GGA1: variants seen among roughly 807,000 people sequenced by gnomAD.
The protein encoded by GGA1 is golgi associated, gamma adaptin ear containing, ARF binding protein 1, also known as ADP-ribosylation factor-binding protein GGA1.
GGA1 carries 18 observed loss-of-function variants against 76.9 expected under a neutral mutation model. The ratio of observed to expected loss-of-function variants is 0.23; its 90% CI spans 0.16 to 0.35. The LOEUF is 0.35. Among genes scored for constraint, GGA1 ranks in the 10% least tolerant of loss-of-function variants. GGA1 has a pLI of 1.00. For missense variants in GGA1, 755 were observed against 859.0 expected (o/e 0.88, Z 1.51); for synonymous variants, 342 against 354.7 (o/e 0.96, Z 0.40).
rs374395564 is a variant in GGA1 at position 37,620,793 on chromosome 22, C to T, written c.428-20C>T. On this transcript the variant is annotated intron_variant, in intron 5 of 16. Coordinates refer to ENST00000343632, the MANE Select transcript of GGA1 (RefSeq NM_013365.5). ...GGCCTGGGACATATTGACAGCCTTTCTGACACTCATCTAATCCAGGGATTG... is the reference window on the plus strand; with the variant it reads ...GGCCTGGGACATATTGACAGCCTTTTTGACACTCATCTAATCCAGGGATTG... 14 of 1,480,292 alleles carry T rather than the reference C, an allele frequency of 9.5e-6. No individual in the cohort carries two copies. Among genetic ancestry groups the T allele is most frequent in the Non-Finnish European group, 8.5e-6 (9 of 1,058,150 alleles). 91.7% of individuals were successfully genotyped at this position (1,480,292 alleles called of 1,614,324 possible). A position where few individuals can be genotyped will look rare whatever the true frequency, so the allele number is the denominator to read the frequency against.
At chr22:37,629,824 C>T (rs1370797809) in intron 12 of GGA1, among the ~76,000 whole-genome samples, 174 bp from the exon 13 acceptor site, 2 of 152,214 alleles carry the variant, frequency 1.3e-5, no homozygotes, top group African/African-American at 2.4e-5. Flanking sequence ...TTGTAGAACC[C>T]CCAACCAGAC....
chr22:37,629,669 A>C (rs1297543122), intron 12 of GGA1, 143 bp downstream of exon 12: 5 of 571,934 alleles, frequency 8.7e-6, no homozygotes, highest in Non-Finnish European at 1.5e-5. Flanking sequence ...GCCTGGAGAC[A>C]CCCACCCAGG....
At position 37,620,976 on chromosome 22, in the gene GGA1, C is replaced by T. The variant is rs1466940006; in HGVS notation, c.528+63C>T. ...CCAGGTGGGGGTCCGTGGGTTCTGA[C>T]CTCTAGCTGCCCTGGCATCAGCCGT... On this transcript the variant is annotated intron_variant, in intron 6 of 16. Coordinates refer to ENST00000343632, the MANE Select transcript of GGA1 (RefSeq NM_013365.5). 15 of 941,398 alleles carry T rather than the reference C, an allele frequency of 1.6e-5. 1 individual carries two copies. The highest frequency in any genetic ancestry group is 1.0e-4 in the Admixed American group (6 of 58,984). 58.3% of individuals were successfully genotyped at this position (941,398 alleles called of 1,614,324 possible).
intron 1 of GGA1, among the ~76,000 whole-genome samples, chr22:37,611,878 A>G (rs774963967): frequency 3.3e-5 from 5 of 152,238 alleles, no homozygotes; most frequent in Non-Finnish European, 7.3e-5. Flanking sequence ...TTGGTCAGGC[A>G]CAGTGGCTCA....
In GGA1 at chr22:37,614,179, T is replaced by C; in HGVS notation, c.44-11T>C. ...TGCCGGGCCACAATGACCCCAGCTC[T>C]CCTCTTCCAGATAGAGCCACGAACC... On this transcript the variant is annotated splice_polypyrimidine_tract_variant and intron_variant, in intron 1 of 16. Coordinates refer to ENST00000343632, the MANE Select transcript of GGA1 (RefSeq NM_013365.5). The C allele has an allele frequency of 6.2e-7, 1 of 1,601,692 alleles. No individual in the cohort carries two copies.
rs1424160851 is a variant in GGA1, at chr22:37,632,210, A to G, written c.1698+45A>G. Reference sequence around the variant, plus strand: ...GGGCATGCCTCCCTCCTCTCAAGGCAGGGTGACATGGAGCTGGGTGGGGAG... The same window carrying G: ...GGGCATGCCTCCCTCCTCTCAAGGCGGGGTGACATGGAGCTGGGTGGGGAG... On this transcript the variant is annotated intron_variant, in intron 15 of 16. Transcript: ENST00000343632. This position sits in a 1 kb window ranked among gnomAD's most constrained non-coding sequence, Gnocchi z 5.1. 6.4e-6 allele frequency: 10 copies of G among 1,572,798 alleles called. No homozygotes were observed. The East Asian group carries it at 6.8e-5, about 11-fold the overall frequency.
intron 3 of GGA1, chr22:37,617,271 T>C: frequency 3.7e-6 from 5 of 1,337,848 alleles, no homozygotes; most frequent in Non-Finnish European, 4.8e-6. Flanking sequence ...GCACATCGGC[T>C]GCCTCTCCAG....
At chr22:37,611,314 A>T (rs1486739055) in intron 1 of GGA1, among the ~76,000 whole-genome samples, 3 of 151,708 alleles carry the variant, frequency 2.0e-5, no homozygotes, top group African/African-American at 2.4e-5. Context: ...CAGCTCTGAG[A>T]GCCCTCCCAG....
rs1162501065 is a variant in GGA1, at chr22:37,625,140, G to C, written c.940+64G>C. ...GGCTGGAGGGGCACAGAGAGTGCAG[G>C]GTGGTGTGCTGGTCTCAGAGCGGCT... On this transcript the variant is annotated intron_variant, in intron 10 of 16. Coordinates refer to ENST00000343632, the MANE Select transcript of GGA1 (RefSeq NM_013365.5). This position sits in a 1 kb window ranked among gnomAD's most constrained non-coding sequence, Gnocchi z 4.1. 7 of 1,395,416 alleles carry C rather than the reference G, an allele frequency of 5.0e-6. No homozygotes were observed. Among genetic ancestry groups the C allele is most frequent in the South Asian group, 2.5e-5 (2 of 80,920 alleles). The allele number at this position is 1,395,416 out of a possible 1,614,324, so 86.4% of individuals were successfully genotyped here.
intron 2 of GGA1, among the ~76,000 whole-genome samples, chr22:37,614,823 G>A (rs186589661): frequency 6.5e-4 from 99 of 152,124 alleles, no homozygotes; most frequent in African/African-American, 2.2e-3. Context: ...TACTAAAAAT[G>A]CAAAAATTAG....
chr22:37,609,852 G>A (rs1927174964), intron 1 of GGA1, among the ~76,000 whole-genome samples: 1 of 152,146 alleles, frequency 6.6e-6, no homozygotes, highest in Admixed American at 6.5e-5. Flanking sequence ...TCTTGGACCC[G>A]GGCACACCGG....
At chr22:37,611,819 G>A (rs5750461) in intron 1 of GGA1, among the ~76,000 whole-genome samples, 2 of 152,104 alleles carry the variant, frequency 1.3e-5, no homozygotes, top group Non-Finnish European at 2.9e-5. Context: ...TCTGGCTGCC[G>A]CCATGGCCTT....
chr22:37,625,849 C>T lies in GGA1; in HGVS notation c.993C>T (p.Gly331=), dbSNP rs1930721850. ...DLSGLDLPPA[G]TTYPAMPTRP... is the part of the protein sequence containing the mutation. ...CAGGCCTGGATCTCCCGCCTGCGGGCACCACCTACCCAGCTATGCCCACCC... is the reference window on the plus strand; with the variant it reads ...CAGGCCTGGATCTCCCGCCTGCGGGTACCACCTACCCAGCTATGCCCACCC... Residue 331 remains glycine (G), a synonymous_variant, in exon 11 of 17, where the codon GGC becomes GGT. Coordinates refer to ENST00000343632, the MANE Select transcript of GGA1 (RefSeq NM_013365.5). The surrounding 1 kb of genome is among the most constrained non-coding windows in gnomAD (Gnocchi z 4.1). 6.2e-7 allele frequency: 1 copy of T among 1,611,452 alleles called. No homozygotes were observed. The highest frequency in any genetic ancestry group is 8.5e-7 in the Non-Finnish European group (1 of 1,178,562).
chr22:37,611,294 G>A (rs1457489444), intron 1 of GGA1, among the ~76,000 whole-genome samples: 1 of 151,968 alleles, frequency 6.6e-6, no homozygotes, highest in Non-Finnish European at 1.5e-5. Flanking sequence ...TCGTCCTTCC[G>A]ATCTCAGCTC....
chr22:37,628,851 G>C (rs932765903), intron 11 of GGA1, among the ~76,000 whole-genome samples: 8 of 152,336 alleles, frequency 5.3e-5, no homozygotes, highest in Non-Finnish European at 1.2e-4. Flanking sequence ...CAGGCTGGCT[G>C]GTGACCTGCT....
chr22:37,619,838 T>C (rs1354745436), intron 4 of GGA1: 1 of 777,196 alleles, frequency 1.3e-6, no homozygotes, highest in African/African-American at 1.7e-5. Flanking sequence ...CAGCCCAGTT[T>C]GCTGCTAGGA....
chr22:37,620,241 C>G lies in GGA1; in HGVS notation c.307C>G (p.Leu103Val). The G allele has an allele frequency of 6.2e-7, 1 of 1,614,008 alleles. No homozygotes were observed. The highest frequency in any genetic ancestry group is 8.5e-7 in the Non-Finnish European group (1 of 1,179,936). Residue 103 changes from leucine to valine, a missense_variant, in exon 5 of 17, where the codon CTG (leucine) becomes GTG (valine). By Grantham distance (32) the Leu-to-Val change is conservative. Transcript: ENST00000343632. The stretch of plus-strand genomic sequence containing the variant: ...CCTCCCCACTGTGTCCCTGAAGTAT[C>G]TGGGCTCTCGGACATCGGAGAAGGT... ...ELIKVVSPKY[L>V]GSRTSEKVKN...
At chr22:37,611,825 G>A (rs1399095028) in intron 1 of GGA1, among the ~76,000 whole-genome samples, 1 of 152,222 alleles carries the variant, frequency 6.6e-6, no homozygotes, top group African/African-American at 2.4e-5. Flanking sequence ...TGCCGCCATG[G>A]CCTTCCCATG....
chr22:37,632,668 A>T lies in GGA1; in HGVS notation c.1877A>T (p.Asp626Val). 1.2e-6 allele frequency: 2 copies of T among 1,612,860 alleles called. No homozygotes were observed. The highest frequency in any genetic ancestry group is 1.7e-6 in the Non-Finnish European group (2 of 1,179,200). Residue 626 changes from aspartate (D) to valine (V), a missense_variant, in exon 17 of 17, where the codon GAT becomes GTT. Coordinates refer to ENST00000343632, the MANE Select transcript of GGA1 (RefSeq NM_013365.5). The surrounding 1 kb of genome is among the most constrained non-coding windows in gnomAD (Gnocchi z 5.1). ...GACCAGACCTACAACGAGATGGGGGATGTGGACCAGTTCCCCCCACCTGAA... is the reference window on the plus strand; with the variant it reads ...GACCAGACCTACAACGAGATGGGGGTTGTGGACCAGTTCCCCCCACCTGAA... ...MGDQTYNEMGDVDQFPPPETW... is the reference protein window; with the variant it reads ...MGDQTYNEMGVVDQFPPPETW...
Sources: allele counts gnomAD v4.1 joint callset (sites outside exome capture counted in the v4.1 genomes callset), GRCh38; gene constraint gnomAD v4.1.1; non-coding constraint Gnocchi (gnomAD v3.1); transcripts MANE v1.5; gene names NCBI Gene and HGNC (gene_info 2026-07-23, HGNC 2026-07-21).